Variants in USP16 observed in about 807,000 individuals in gnomAD.
USP16 encodes ubiquitin carboxyl-terminal hydrolase 16.
USP16 carries 77 observed loss-of-function variants against 95.9 expected under a neutral mutation model. That is an observed-to-expected ratio of 0.80 (90% CI 0.67 to 0.97). The LOEUF (loss-of-function observed/expected upper bound fraction) is 0.97, where lower values mean the gene tolerates loss of function less well. Ranked by LOEUF, USP16 falls within the 50% of genes least tolerant of loss-of-function variation. The pLI, the probability that USP16 is intolerant of heterozygous loss-of-function variation, is 0.00. For missense variants in USP16, 943 were observed against 959.9 expected, an observed-to-expected ratio of 0.98 and a Z score of 0.23; for synonymous variants, 303 against 318.2, an observed-to-expected ratio of 0.95 and a Z score of 0.51.
intron 2 of USP16, among the ~76,000 whole-genome samples, chr21:29,029,629 C>T (rs2085049182): frequency 6.6e-6 from 1 of 152,130 alleles, no homozygotes; most frequent in African/African-American, 2.4e-5. Context: ...TTGCAAAGCT[C>T]TTTACTTATC....
chr21:29,049,972 A>G lies in USP16; in HGVS notation c.2107-120A>G, dbSNP rs984882502. 9 of 871,106 alleles carry G rather than the reference A, an allele frequency of 1.0e-5. No homozygotes were observed. The East Asian group carries it at 2.4e-4, about 23-fold the overall frequency. 54.0% of individuals were successfully genotyped at this position (871,106 alleles called of 1,614,324 possible). On this transcript the variant is annotated intron_variant, in intron 15 of 17. Transcript: ENST00000399976. ...GTGTTCAGGAAGAATTGAGTCTCCA[A>G]AGAAAATTGAACTAGGACTTAATGT...
At chr21:29,027,728 T>C (rs546135580) in intron 1 of USP16, 145 bp from the exon 2 acceptor site, 1 of 640,660 alleles carries the variant, frequency 1.6e-6, no homozygotes, top group South Asian at 1.8e-5. Context: ...CTGTTGAAAA[T>C]TAGATGATTA....
intron 3 of USP16, among the ~76,000 whole-genome samples, chr21:29,032,135 C>T (rs1013378733): frequency 6.6e-6 from 1 of 152,178 alleles, no homozygotes; most frequent in Non-Finnish European, 1.5e-5. Flanking sequence ...CAGCCCCTGG[C>T]AACTACCATT....
intron 13 of USP16, 67 bp from the exon 14 acceptor site, chr21:29,046,600 T>A: frequency 1.4e-6 from 2 of 1,479,808 alleles, no homozygotes; most frequent in Non-Finnish European, 1.8e-6. Flanking sequence ...TTCCTCTATC[T>A]CTCTTCCTCC....
At chr21:29,047,473 C>A in intron 14 of USP16, 152 bp downstream of exon 14, 1 of 950,242 alleles carries the variant, frequency 1.1e-6, no homozygotes, top group Non-Finnish European at 1.5e-6. Context: ...AAAAGTAGGA[C>A]TTTATTGAAG....
At chr21:29,029,185 G>A (rs1271843206) in intron 2 of USP16, among the ~76,000 whole-genome samples, 2 of 152,198 alleles carry the variant, frequency 1.3e-5, no homozygotes, top group Non-Finnish European at 2.9e-5. Flanking sequence ...AGGCCAAGGC[G>A]GGCAGATCAC....
chr21:29,025,001 A>T, intron 1 of USP16: 3 of 355,872 alleles, frequency 8.4e-6, no homozygotes, highest in Non-Finnish European at 1.5e-5. Flanking sequence ...GACCCCGTGG[A>T]CCCAGAGGTT....
chr21:29,032,314 C>G (rs2085089229), intron 3 of USP16, among the ~76,000 whole-genome samples: 1 of 152,134 alleles, frequency 6.6e-6, no homozygotes, highest in Non-Finnish European at 1.5e-5. Flanking sequence ...TCACGGCAGC[C>G]TTCACCTCCC....
chr21:29,045,227 T>A (rs2085305148), intron 13 of USP16, among the ~76,000 whole-genome samples: 1 of 152,234 alleles, frequency 6.6e-6, no homozygotes, highest in African/African-American at 2.4e-5. Context: ...AATGTTTGGT[T>A]CCCATCCTGT....
chr21:29,030,327 A>G (rs2085059098), intron 2 of USP16, among the ~76,000 whole-genome samples: 1 of 152,210 alleles, frequency 6.6e-6, no homozygotes, highest in Non-Finnish European at 1.5e-5. Context: ...AAATAGCCAA[A>G]TAAATTGAAA....
At chr21:29,042,419 A>T in intron 11 of USP16, 53 bp from the exon 12 acceptor site, 8 of 1,544,054 alleles carry the variant, frequency 5.2e-6, no homozygotes, top group Non-Finnish European at 4.4e-6. Context: ...GGATCTTACT[A>T]TGTAACATTT....
intron 14 of USP16, 59 bp downstream of exon 14, chr21:29,047,380 ATAGG>A: frequency 2.6e-6 from 4 of 1,514,012 alleles, no homozygotes; most frequent in Non-Finnish European, 3.6e-6. Flanking sequence ...TTTGCACTGC[ATAGG>A]TAGAGTACTC....
At chr21:29,044,780 A>G (rs2085299271) in intron 13 of USP16, among the ~76,000 whole-genome samples, 1 of 151,052 alleles carries the variant, frequency 6.6e-6, no homozygotes, top group South Asian at 2.1e-4. Flanking sequence ...TCTTTTTTTT[A>G]ACAGTTGCAT....
rs2085458998 is a variant in USP16, at chr21:29,054,116, G to T, written c.2401G>T (p.Val801Leu). The T allele has an allele frequency of 6.2e-7, 1 of 1,614,106 alleles. No individual in the cohort carries two copies. The highest frequency in any genetic ancestry group is 8.5e-7 in the Non-Finnish European group (1 of 1,180,046). Residue 801 changes from valine to leucine, a missense_variant, in exon 18 of 18, where the codon GTG (valine) becomes TTG (leucine). Coordinates refer to ENST00000399976, the MANE Select transcript of USP16 (RefSeq NM_006447.3). The stretch of plus-strand genomic sequence containing the variant: ...GTGGTTTCACATCAGCGACACACAT[G>T]TGCAAGCTGTGCCTACAACTAAAGT... Reference protein sequence around the residue: ...GQWFHISDTHVQAVPTTKVLN... With the variant: ...GQWFHISDTHLQAVPTTKVLN...
At chr21:29,037,501 T>C (rs1319728523) in intron 6 of USP16, 38 bp downstream of exon 6, 1 of 1,462,272 alleles carries the variant, frequency 6.8e-7, no homozygotes, top group Non-Finnish European at 9.1e-7. Context: ...AAAGCTGTCC[T>C]TTTCCTCATA....
At chr21:29,043,154 T>C (rs1396784374) in intron 12 of USP16, 1 of 225,252 alleles carries the variant, frequency 4.4e-6, no homozygotes, top group Non-Finnish European at 8.6e-6. Flanking sequence ...TGACACAGCA[T>C]GTATCTAATA....
At position 29,030,646 on chromosome 21, in the gene USP16, AG is replaced by A; in HGVS notation, c.115del (p.Ala39LeufsTer2). The A allele has an allele frequency of 6.2e-7, 1 of 1,613,194 alleles. No individual in the cohort carries two copies. Among genetic ancestry groups the A allele is most frequent in the Non-Finnish European group, 8.5e-7 (1 of 1,179,656 alleles). On this transcript the variant is annotated frameshift_variant, in exon 3 of 18. Transcript: ENST00000399976. LOFTEE classifies it high-confidence loss of function. Reference sequence around the variant, plus strand: ...GGATTGGAACAAGGTAATTTGAAAAAGGCTTTAGTGAATGTGGAATGGAATA... The same window carrying A: ...GGATTGGAACAAGGTAATTTGAAAAAGCTTTAGTGAATGTGGAATGGAATA... ...RKGLEQGNLK[K>X]ALVNVEWNIC...
chr21:29,035,601 T>C (rs1331027313), intron 4 of USP16, among the ~76,000 whole-genome samples: 1 of 152,092 alleles, frequency 6.6e-6, no homozygotes. Context: ...CTCAAACTCC[T>C]GACCTCGTGA....
At chr21:29,036,116 A>G (rs1369555230) in intron 4 of USP16, among the ~76,000 whole-genome samples, 155 bp from the exon 5 acceptor site, 1 of 152,234 alleles carries the variant, frequency 6.6e-6, no homozygotes, top group Non-Finnish European at 1.5e-5. Flanking sequence ...CAGAGTTAAT[A>G]TGCATAGTCT....
Sources: allele counts gnomAD v4.1 joint callset (sites outside exome capture counted in the v4.1 genomes callset), GRCh38; gene constraint gnomAD v4.1.1; transcripts MANE v1.5; gene names NCBI Gene and HGNC (gene_info 2026-07-23, HGNC 2026-07-21).